The following NSUN6 variants were observed in gnomAD, a reference collection of about 807,000 sequenced individuals.
The protein encoded by NSUN6 is tRNA (cytosine(72)-C(5))-methyltransferase NSUN6.
NSUN6 carries 64 observed loss-of-function variants against 58.0 expected under a neutral mutation model. The ratio of observed to expected loss-of-function variants is 1.10; its 90% CI spans 0.90 to 1.36. NSUN6 has a LOEUF of 1.36. Among genes scored for constraint, NSUN6 ranks in the 40% most tolerant of loss-of-function variants. The probability of loss-of-function intolerance (pLI) is 0.00; values close to 1 mark genes in which losing one functional copy is unlikely to be tolerated. For missense variants in NSUN6, 701 were observed against 550.1 expected (o/e 1.27, Z -2.74); for synonymous variants, 231 against 193.9 (o/e 1.19, Z -1.59).
At chr10:18,613,353 T>C (rs959798991) in intron 5 of NSUN6, among the ~76,000 whole-genome samples, 2 of 152,128 alleles carry the variant, frequency 1.3e-5, no homozygotes, top group Non-Finnish European at 2.9e-5. Context: ...CACCTTGGCC[T>C]CTCAAAGTGC....
Position 18,559,447 on chromosome 10 carries a change from G to A in NSUN6, c.923-7476C>T, listed in dbSNP as rs142325947. Among the ~76,000 whole-genome samples the A allele has an allele frequency of 3.9e-3, 587 of 150,720 alleles. 5 individuals carry two copies. The highest frequency in any genetic ancestry group is 0.013 in the African/African-American group (536 of 41,256). On this transcript the variant is annotated intron_variant, in intron 8 of 10. Transcript: ENST00000377304. ...ATGGAATGGAGAATGGAACAGAATG[G>A]AGAATGGATTGGAATGGAATGGAGA...
chr10:18,600,959 T>TATATATATATATATACACACAC, intron 6 of NSUN6, among the ~76,000 whole-genome samples: 3 of 64,926 alleles, frequency 4.6e-5, no homozygotes, highest in Non-Finnish European at 9.2e-5. Flanking sequence ...TATATATATA[T>TATATATATATATATACACACAC]ACATATATAT....
intron 3 of NSUN6, among the ~76,000 whole-genome samples, chr10:18,623,766 T>C (rs1053753205): frequency 2.6e-5 from 4 of 152,144 alleles, no homozygotes; most frequent in African/African-American, 7.2e-5. Context: ...TAAGCAGAGA[T>C]TAAATGAAAA....
At chr10:18,557,834 T>TAAATAGAATGGA (rs1168719131) in intron 8 of NSUN6, among the ~76,000 whole-genome samples, 2 of 146,702 alleles carry the variant, frequency 1.4e-5, no homozygotes, top group Non-Finnish European at 3.0e-5. Context: ...AATGGAGGAT[T>TAAATAGAATGGA]AAATAGAATG....
chr10:18,654,097 T>C (rs2059751309), upstream of NSUN6, among the ~76,000 whole-genome samples: 1 of 152,106 alleles, frequency 6.6e-6, no homozygotes, highest in Non-Finnish European at 1.5e-5. Flanking sequence ...GATAAAACAC[T>C]GATTTAGGTG....
Position 18,561,677 on chromosome 10 carries a change from GGAATGGAGAATGGAATA to G in NSUN6, c.923-9723_923-9707del, listed in dbSNP as rs1445666378. 3.9e-3 allele frequency among the ~76,000 whole-genome samples: 582 copies of G among 150,728 alleles called. 3 individuals are homozygous for G. Among genetic ancestry groups the G allele is most frequent in the African/African-American group, 0.012 (504 of 40,802 alleles). Reference sequence around the variant, plus strand: ...AATGGAATGGAATGGAGAATGGAATGGAATGGAGAATGGAATAGAATGGAGAATGGAATAGAATGGAG... The same window carrying G: ...AATGGAATGGAATGGAGAATGGAATGGAATGGAGAATGGAATAGAATGGAG... On this transcript the variant is annotated intron_variant, in intron 8 of 10. Coordinates refer to ENST00000377304, the MANE Select transcript of NSUN6 (RefSeq NM_182543.5).
At chr10:18,585,907 T>C (rs1371754680) in intron 8 of NSUN6, 42 bp downstream of exon 8, 3 of 1,462,076 alleles carry the variant, frequency 2.1e-6, no homozygotes, top group Non-Finnish European at 2.8e-6. Context: ...GCCACAAATA[T>C]ATGATCTGTC....
At chr10:18,636,633 C>T (rs1471925381) in intron 3 of NSUN6, among the ~76,000 whole-genome samples, 3 of 152,012 alleles carry the variant, frequency 2.0e-5, no homozygotes, top group African/African-American at 7.2e-5. Flanking sequence ...GTGGCTCATG[C>T]CTGTAATCCC....
chr10:18,621,244 A>G (rs974767113), intron 3 of NSUN6, among the ~76,000 whole-genome samples: 3 of 152,182 alleles, frequency 2.0e-5, no homozygotes, highest in African/African-American at 7.2e-5. Flanking sequence ...ACAGCTCAGC[A>G]CTGGGGGACT....
At chr10:18,611,387 T>C (rs563402591) in intron 5 of NSUN6, among the ~76,000 whole-genome samples, 2 of 152,196 alleles carry the variant, frequency 1.3e-5, no homozygotes, top group South Asian at 2.1e-4. Context: ...TCTACATGCA[T>C]GTGTAGATAG....
intron 3 of NSUN6, among the ~76,000 whole-genome samples, chr10:18,634,811 G>A (rs1338218733): frequency 6.6e-6 from 1 of 151,126 alleles, no homozygotes; most frequent in East Asian, 1.9e-4. Flanking sequence ...AGAAGAAAAA[G>A]ATCAGTGAAT....
intron 3 of NSUN6, among the ~76,000 whole-genome samples, chr10:18,637,159 C>T (rs371324546): frequency 2.0e-5 from 3 of 151,982 alleles, no homozygotes; most frequent in African/African-American, 7.2e-5. Context: ...GACAGGGTTT[C>T]ACCATGTTGC....
intron 9 of NSUN6, among the ~76,000 whole-genome samples, chr10:18,550,478 G>A (rs913793847): frequency 2.0e-5 from 3 of 152,120 alleles, no homozygotes; most frequent in Non-Finnish European, 4.4e-5. Context: ...GGAGGGCTGG[G>A]AGGAAATAAT....
At chr10:18,594,964 GCT>G (rs2057528191) in intron 7 of NSUN6, among the ~76,000 whole-genome samples, 1 of 152,124 alleles carries the variant, frequency 6.6e-6, no homozygotes, top group South Asian at 2.1e-4. Flanking sequence ...GCTCTGCTTT[GCT>G]CTCTGCCATC....
chr10:18,559,557 T>C (rs548286143), intron 8 of NSUN6, among the ~76,000 whole-genome samples: 2 of 143,108 alleles, frequency 1.4e-5, no homozygotes, highest in African/African-American at 5.2e-5. Flanking sequence ...TAGAAACGAA[T>C]TGAATGGAAT....
chr10:18,545,881 AC>A lies in NSUN6; in HGVS notation c.*51del, dbSNP rs2054222742. 5.6e-6 allele frequency: 6 copies of A among 1,071,728 alleles called. No individual in the cohort carries two copies. The highest frequency in any genetic ancestry group is 5.4e-5 in the South Asian group (4 of 73,902). The allele number at this position is 1,071,728 out of a possible 1,614,324, so 66.4% of individuals were successfully genotyped here. A position where few individuals can be genotyped will look rare whatever the true frequency, so the allele number is the denominator to read the frequency against. On this transcript the variant is annotated 3_prime_UTR_variant, in exon 11 of 11. Coordinates refer to ENST00000377304, the MANE Select transcript of NSUN6 (RefSeq NM_182543.5). ...CAACACTTTGGTTAAAAAAAAAAAA[AC>A]CACAGACAGCAAATGTTTGGAATTT... is the stretch of plus-strand genomic sequence containing the variant.
intron 8 of NSUN6, among the ~76,000 whole-genome samples, chr10:18,557,873 G>A (rs7084980): frequency 0.012 from 1,734 of 150,598 alleles, 33 homozygotes; most frequent in African/African-American, 0.039. Context: ...GGAATGGAGC[G>A]TGGAATGGAA....
chr10:18,629,578 A>AT (rs2058954662), intron 3 of NSUN6, among the ~76,000 whole-genome samples: 2 of 145,254 alleles, frequency 1.4e-5, no homozygotes, highest in Admixed American at 6.9e-5. Context: ...AGCTAATGGA[A>AT]AACAAAAAAG....
chr10:18,616,420 G>A, intron 3 of NSUN6, 127 bp from the exon 4 acceptor site: 1 of 544,872 alleles, frequency 1.8e-6, no homozygotes, highest in Admixed American at 3.4e-5. Context: ...AGAAAACGCT[G>A]AAAAGAGAGG....
Sources: allele counts gnomAD v4.1 joint callset (sites outside exome capture counted in the v4.1 genomes callset), GRCh38; gene constraint gnomAD v4.1.1; transcripts MANE v1.5; gene names NCBI Gene and HGNC (gene_info 2026-07-23, HGNC 2026-07-21).